Variants in AFF3 observed in about 807,000 individuals in gnomAD.
AFF3 encodes ALF transcription elongation factor 3.
A neutral mutation model predicts 129.7 loss-of-function variants in AFF3; 32 were observed. The ratio of observed to expected loss-of-function variants is 0.25; its 90% CI spans 0.19 to 0.33. The LOEUF is 0.33. Among genes scored for constraint, AFF3 ranks in the 10% least tolerant of loss-of-function variants. The pLI is 1.00. For synonymous variants in AFF3, 644 were observed against 635.4 expected (o/e 1.01, Z -0.20); for missense variants, 1,373 against 1,592.0 (o/e 0.86, Z 2.34).
At chr2:99,825,056 T>A (rs1227820933) in intron 8 of AFF3, among the ~76,000 whole-genome samples, 1 of 152,136 alleles carries the variant, frequency 6.6e-6, no homozygotes, top group Non-Finnish European at 1.5e-5. Flanking sequence ...CAACCCTGCA[T>A]TTTCCCAATA....
intron 18 of AFF3, 51 bp from the exon 19 acceptor site, chr2:99,568,966 T>C: frequency 6.6e-7 from 1 of 1,508,448 alleles, no homozygotes; most frequent in Non-Finnish European, 9.2e-7. Flanking sequence ...GTGCAACGTC[T>C]TTTTAAAATA....
At chr2:99,897,809 A>G (rs1200204968) in intron 7 of AFF3, among the ~76,000 whole-genome samples, 15 of 152,244 alleles carry the variant, frequency 9.9e-5, no homozygotes, top group Admixed American at 9.8e-4. Context: ...ATATGTAGTT[A>G]GCAAATGCCA....
chr2:99,620,162 C>A (rs1037564512), intron 13 of AFF3, among the ~76,000 whole-genome samples: 3 of 152,174 alleles, frequency 2.0e-5, no homozygotes, highest in Non-Finnish European at 4.4e-5. Flanking sequence ...CCAACTGAGA[C>A]TCCGGGAGAG....
At chr2:100,013,144 A>C (rs1682694805) in intron 4 of AFF3, among the ~76,000 whole-genome samples, 1 of 152,186 alleles carries the variant, frequency 6.6e-6, no homozygotes, top group South Asian at 2.1e-4. Context: ...ATCATTTCTC[A>C]CTTATTTGTT....
intron 13 of AFF3, among the ~76,000 whole-genome samples, chr2:99,623,893 C>T (rs905951008): frequency 3.3e-5 from 5 of 152,176 alleles, no homozygotes; most frequent in Non-Finnish European, 7.4e-5. Context: ...CCATGGGAGC[C>T]AAGGCTCTGA....
intron 13 of AFF3, among the ~76,000 whole-genome samples, chr2:99,638,018 C>G (rs1013574892): frequency 6.6e-6 from 1 of 151,774 alleles, no homozygotes; most frequent in African/African-American, 2.4e-5. Context: ...TATACTTAGT[C>G]TGAGGATGAG....
chr2:99,969,903 T>G (rs1678183150), intron 7 of AFF3, among the ~76,000 whole-genome samples: 1 of 152,196 alleles, frequency 6.6e-6, no homozygotes, highest in Non-Finnish European at 1.5e-5. Flanking sequence ...AATTAGAACT[T>G]ATGAAATTTT....
At chr2:99,596,352 G>C (rs1386878384) in intron 14 of AFF3, among the ~76,000 whole-genome samples, 1 of 152,196 alleles carries the variant, frequency 6.6e-6, no homozygotes. Flanking sequence ...TCGGCCAAGG[G>C]GGATCCCTCA....
intron 4 of AFF3, among the ~76,000 whole-genome samples, chr2:100,034,402 C>A (rs1430416748): frequency 6.6e-6 from 1 of 152,116 alleles, no homozygotes; most frequent in Admixed American, 6.5e-5. Flanking sequence ...GGATAAAAAT[C>A]AGTTGAATAG....
At chr2:99,909,772 C>T (rs1463313936) in intron 7 of AFF3, among the ~76,000 whole-genome samples, 6 of 152,060 alleles carry the variant, frequency 3.9e-5, no homozygotes, top group Admixed American at 2.0e-4. Flanking sequence ...TCAACTTTCA[C>T]GTAAATTATG....
intron 8 of AFF3, among the ~76,000 whole-genome samples, chr2:99,771,911 T>G (rs1054499856): frequency 1.3e-5 from 2 of 152,318 alleles, no homozygotes; most frequent in South Asian, 4.1e-4. Context: ...AAAACAGCGA[T>G]AAGAATAGCT....
intron 11 of AFF3, among the ~76,000 whole-genome samples, chr2:99,690,322 A>G (rs1470758084): frequency 6.9e-6 from 1 of 145,446 alleles, no homozygotes; most frequent in East Asian, 2.1e-4. Flanking sequence ...CTGGGACTAC[A>G]GGCACCCGCC....
At chr2:100,137,642 G>A (rs1351773704) in intron 1 of AFF3, among the ~76,000 whole-genome samples, 3 of 152,180 alleles carry the variant, frequency 2.0e-5, no homozygotes, top group African/African-American at 7.2e-5. Flanking sequence ...ACTCAGGATC[G>A]CCCTAAGGGA....
rs913008802 is a variant in AFF3, at chr2:99,802,146, C to G, written c.921+35331G>C. ...AAACTTTCAAAGCTCACTACTTAGG[C>G]CTTCTAAAAGTCATTTTAACTAAAA... On this transcript the variant is annotated intron_variant, in intron 8 of 24. Coordinates refer to ENST00000672756, the MANE Select transcript of AFF3 (RefSeq NM_001386135.1). Among the ~76,000 whole-genome samples, 35 of 152,146 alleles carry G rather than the reference C, an allele frequency of 2.3e-4. 1 individual carries two copies. The highest frequency in any genetic ancestry group is 8.4e-4 in the African/African-American group (35 of 41,424).
intron 7 of AFF3, among the ~76,000 whole-genome samples, chr2:99,953,223 C>T (rs953057760): frequency 3.9e-5 from 6 of 152,178 alleles, no homozygotes; most frequent in African/African-American, 1.4e-4. Flanking sequence ...CTGGGACGGA[C>T]ATTCAGTGCC....
chr2:99,598,106 A>G (rs1679465175), intron 14 of AFF3, among the ~76,000 whole-genome samples: 1 of 152,190 alleles, frequency 6.6e-6, no homozygotes, highest in South Asian at 2.1e-4. Context: ...CAATCTGGGA[A>G]ATGCCACAAT....
intron 7 of AFF3, among the ~76,000 whole-genome samples, chr2:99,914,894 C>T (rs4241202): frequency 0.87 from 131,610 of 151,998 alleles, 57,174 homozygotes; most frequent in African/African-American, 0.95. Context: ...CAGGGCGAGA[C>T]TCCATCTCAA....
intron 7 of AFF3, among the ~76,000 whole-genome samples, chr2:99,867,880 G>T (rs566232658): frequency 9.2e-5 from 14 of 152,276 alleles, no homozygotes; most frequent in Non-Finnish European, 1.9e-4. Flanking sequence ...ACTTCATTAC[G>T]CCAGACTTCC....
chr2:99,813,212 G>A (rs1339456016), intron 8 of AFF3, among the ~76,000 whole-genome samples: 1 of 152,154 alleles, frequency 6.6e-6, no homozygotes, highest in Non-Finnish European at 1.5e-5. Flanking sequence ...GGGAGGCTGT[G>A]GAGTTGCTCA....
Sources: allele counts gnomAD v4.1 joint callset (sites outside exome capture counted in the v4.1 genomes callset), GRCh38; gene constraint gnomAD v4.1.1; transcripts MANE v1.5; gene names NCBI Gene and HGNC (gene_info 2026-07-23, HGNC 2026-07-21).